UBE2Q2: variants seen among roughly 807,000 people sequenced by gnomAD.
The protein encoded by UBE2Q2 is ubiquitin-conjugating enzyme E2 Q2.
Under a neutral mutation model 59.9 loss-of-function variants are expected in UBE2Q2, and 54 were observed. That is an observed-to-expected ratio of 0.90 (90% CI 0.72 to 1.13). The LOEUF (loss-of-function observed/expected upper bound fraction) is 1.13, where lower values mean the gene tolerates loss of function less well. Among genes scored for constraint, UBE2Q2 ranks in the 50% most tolerant of loss-of-function variants. UBE2Q2 has a pLI of 0.00. For missense variants in UBE2Q2, 433 were observed against 441.9 expected (o/e 0.98, Z 0.18); for synonymous variants, 165 against 155.2 (o/e 1.06, Z -0.47).
At chr15:75,850,376 A>G (rs1266473852) in intron 1 of UBE2Q2, among the ~76,000 whole-genome samples, 1 of 152,086 alleles carries the variant, frequency 6.6e-6, no homozygotes, top group Non-Finnish European at 1.5e-5. Context: ...CTGCTTTTTC[A>G]CTCAACAATA....
At chr15:75,865,363 C>A (rs1406041042) in intron 3 of UBE2Q2, among the ~76,000 whole-genome samples, 1 of 152,110 alleles carries the variant, frequency 6.6e-6, no homozygotes, top group Non-Finnish European at 1.5e-5. Context: ...AGCTATAGTT[C>A]TTTTGCATTG....
chr15:75,889,529 G>A (rs1366570076), intron 9 of UBE2Q2, among the ~76,000 whole-genome samples: 2 of 152,144 alleles, frequency 1.3e-5, no homozygotes, highest in Non-Finnish European at 2.9e-5. Flanking sequence ...GTCTTGGCAA[G>A]TCTTCTGGGG....
In UBE2Q2 at chr15:75,900,125, A is replaced by G. The variant is rs1007185678; in HGVS notation, c.*667A>G. On this transcript the variant is annotated 3_prime_UTR_variant, in exon 13 of 13. Coordinates refer to ENST00000267938, the MANE Select transcript of UBE2Q2 (RefSeq NM_173469.4). ...GAGTAGTGATTTCCACTGGGGCATC[A>G]GAGTCTTGGCTGGGCTGAATCTGCT... is the stretch of plus-strand genomic sequence containing the variant. The G allele has an allele frequency of 2.0e-5, 3 of 152,406 alleles. No individual in the cohort carries two copies. Among genetic ancestry groups the G allele is most frequent in the African/African-American group, 7.2e-5 (3 of 41,460 alleles). 9.4% of individuals were successfully genotyped at this position (152,406 alleles called of 1,614,324 possible).
At chr15:75,883,961 G>T (rs1898608789) in intron 9 of UBE2Q2, among the ~76,000 whole-genome samples, 1 of 152,162 alleles carries the variant, frequency 6.6e-6, no homozygotes, top group Non-Finnish European at 1.5e-5. Context: ...TTAGAGAATG[G>T]TCCCCACATG....
chr15:75,868,774 A>G (rs1416868294), intron 3 of UBE2Q2, among the ~76,000 whole-genome samples, 177 bp from the exon 4 acceptor site: 1 of 152,210 alleles, frequency 6.6e-6, no homozygotes. Context: ...TTAAAAGCTG[A>G]TAACTTATTT....
chr15:75,897,454 T>C (rs762610821), intron 12 of UBE2Q2, among the ~76,000 whole-genome samples: 1 of 151,972 alleles, frequency 6.6e-6, no homozygotes, highest in African/African-American at 2.4e-5. Context: ...CTCCTGACTT[T>C]GTGATCCGCC....
chr15:75,860,892 A>G (rs1379816762), intron 3 of UBE2Q2, among the ~76,000 whole-genome samples: 1 of 152,170 alleles, frequency 6.6e-6, no homozygotes, highest in Non-Finnish European at 1.5e-5. Context: ...CTATATTCTC[A>G]GGTAAAACCC....
At chr15:75,860,541 T>C (rs748233599) in intron 3 of UBE2Q2, among the ~76,000 whole-genome samples, 1 of 152,196 alleles carries the variant, frequency 6.6e-6, no homozygotes, top group Non-Finnish European at 1.5e-5. Context: ...TTTAGTCATA[T>C]AAGTAATCAC....
chr15:75,867,013 T>C (rs578198198), intron 3 of UBE2Q2, among the ~76,000 whole-genome samples: 2 of 152,352 alleles, frequency 1.3e-5, no homozygotes, highest in Admixed American at 1.3e-4. Context: ...AGATGAGATA[T>C]ACCCTTGATC....
At chr15:75,855,755 T>G (rs1044353081) in intron 2 of UBE2Q2, among the ~76,000 whole-genome samples, 2 of 152,192 alleles carry the variant, frequency 1.3e-5, no homozygotes, top group Non-Finnish European at 2.9e-5. Context: ...TACCTAAGAA[T>G]CAACTTAGAT....
Position 75,894,424 on chromosome 15 carries a change from A to G in UBE2Q2, c.1030-2571A>G, listed in dbSNP as rs1899280819. Among the ~76,000 whole-genome samples, 3 of 152,024 alleles carry G rather than the reference A, an allele frequency of 2.0e-5. No individual in the cohort carries two copies. The South Asian group carries it at 6.2e-4, about 32-fold the overall frequency. ...TCTGTAAAAAAAACAAAACAAAACA[A>G]AACATGAAAATTAGCTGGGCATCGT... On this transcript the variant is annotated intron_variant, in intron 11 of 12. Transcript: ENST00000267938.
At position 75,876,885 on chromosome 15, in the gene UBE2Q2, G is replaced by A. The variant is rs561158956; in HGVS notation, c.673+614G>A. Among the ~76,000 whole-genome samples, 9 of 152,074 alleles carry A rather than the reference G, an allele frequency of 5.9e-5. No individual in the cohort carries two copies. The East Asian group carries it at 1.2e-3, about 20-fold the overall frequency. On this transcript the variant is annotated intron_variant, in intron 6 of 12. Transcript: ENST00000267938. ...TGAAAAGATAGCATTGGTTGGGTGC[G>A]GTGGCTCACACTTATAATCCCTGCA... is the stretch of plus-strand genomic sequence containing the variant.
intron 2 of UBE2Q2, among the ~76,000 whole-genome samples, chr15:75,856,269 GTA>G (rs60490503): frequency 0.44 from 60,527 of 138,674 alleles, 13,495 homozygotes; most frequent in Admixed American, 0.51. Flanking sequence ...GTGTGTGTGT[GTA>G]TATATATATA....
intron 6 of UBE2Q2, among the ~76,000 whole-genome samples, chr15:75,877,638 G>T (rs1435295352): frequency 6.6e-6 from 1 of 152,176 alleles, no homozygotes; most frequent in Non-Finnish European, 1.5e-5. Flanking sequence ...TACGTAGAAG[G>T]ATTCCATCTT....
At chr15:75,853,907 G>A (rs1051780398) in intron 1 of UBE2Q2, among the ~76,000 whole-genome samples, 4 of 152,120 alleles carry the variant, frequency 2.6e-5, no homozygotes, top group African/African-American at 9.7e-5. Flanking sequence ...CGCCATGTAG[G>A]TCTCTCCATA....
chr15:75,865,007 CTT>C (rs1897384844), intron 3 of UBE2Q2, among the ~76,000 whole-genome samples: 1 of 152,160 alleles, frequency 6.6e-6, no homozygotes, highest in Non-Finnish European at 1.5e-5. Flanking sequence ...ACTATTAAAA[CTT>C]TTTATTGTGA....
Position 75,843,722 on chromosome 15 carries a change from A to G in UBE2Q2, c.56A>G (p.Lys19Arg). The G allele has an allele frequency of 6.2e-7, 1 of 1,611,424 alleles. No homozygotes were observed. Among genetic ancestry groups the G allele is most frequent in the Non-Finnish European group, 8.5e-7 (1 of 1,178,988 alleles). Residue 19 changes from lysine to arginine, a missense_variant, in exon 1 of 13, where the codon AAG (lysine) becomes AGG (arginine). Coordinates refer to ENST00000267938, the MANE Select transcript of UBE2Q2 (RefSeq NM_173469.4). ...ELKFLASIFDKNHERFRIVSW... is the reference protein window; with the variant it reads ...ELKFLASIFDRNHERFRIVSW... ...AAGTTCCTGGCGTCCATCTTCGACA[A>G]GAACCACGAGCGATTCCGCATCGTC...
chr15:75,870,515 C>T (rs886166672), intron 4 of UBE2Q2, among the ~76,000 whole-genome samples: 1 of 152,104 alleles, frequency 6.6e-6, no homozygotes, highest in Non-Finnish European at 1.5e-5. Flanking sequence ...CCCAGTTTAC[C>T]ATGAAGCAGC....
rs533324229 is a variant in UBE2Q2, at chr15:75,857,788, A to G, written c.283-2090A>G. On this transcript the variant is annotated intron_variant, in intron 2 of 12. Coordinates refer to ENST00000267938, the MANE Select transcript of UBE2Q2 (RefSeq NM_173469.4). ...AAAAAAAAATGCAGCCATTTTTTCC[A>G]TAAGAGCATGTGCAGATTTCTAAGA... Among the ~76,000 whole-genome samples, 36 of 151,028 alleles carry G rather than the reference A, an allele frequency of 2.4e-4. 1 individual carries two copies. The South Asian group carries it at 5.0e-3, about 21-fold the overall frequency.
Sources: gnomAD v4.1 joint callset for allele counts (sites outside exome capture counted in the v4.1 genomes callset) on GRCh38, gnomAD v4.1.1 for gene constraint, MANE v1.5 for transcripts, NCBI Gene and HGNC (gene_info 2026-07-23, HGNC 2026-07-21) for gene names.